SGPP2: variants seen among roughly 807,000 people sequenced by gnomAD.
SGPP2 encodes the protein sphingosine 1-phosphate phosphohydrolase 2.
A neutral mutation model predicts 33.9 loss-of-function variants in SGPP2; 30 were observed. The observed-to-expected ratio is 0.89, with a 90% CI of 0.66 to 1.20. The LOEUF is 1.20. Among genes scored for constraint, SGPP2 ranks in the 50% most tolerant of loss-of-function variants. The pLI is 0.00. For missense variants in SGPP2, 458 were observed against 532.1 expected (o/e 0.86, Z 1.37); for synonymous variants, 233 against 225.0 (o/e 1.04, Z -0.32).
In SGPP2 at chr2:222,478,722, T is replaced by C. The variant is rs1233438283; in HGVS notation, c.378+3996T>C. Among the ~76,000 whole-genome samples the C allele has an allele frequency of 2.0e-5, 3 of 152,184 alleles. No homozygotes were observed. The East Asian group carries it at 5.8e-4, about 29-fold the overall frequency. On this transcript the variant is annotated intron_variant, in intron 2 of 4. Coordinates refer to ENST00000321276, the MANE Select transcript of SGPP2 (RefSeq NM_152386.4). Reference sequence around the variant, plus strand: ...TCACTGGATGAAGCCCCTATATAGGTTTTATTGCTTTTAAAAATCTTGTGT... The same window carrying C: ...TCACTGGATGAAGCCCCTATATAGGCTTTATTGCTTTTAAAAATCTTGTGT...
In SGPP2 at chr2:222,561,974, C is replaced by G. The variant is rs915290853; in HGVS notation, c.*3076C>G. Among the ~76,000 whole-genome samples, 1 of 152,188 alleles carries G rather than the reference C, an allele frequency of 6.6e-6. No homozygotes were observed. Among genetic ancestry groups the G allele is most frequent in the Non-Finnish European group, 1.5e-5 (1 of 68,030 alleles). ...CCTTCAAAGGGTATGGTTCAGGCTC[C>G]TTTCAAGACATTTGGAGTTTCTCTC... On this transcript the variant is annotated 3_prime_UTR_variant, in exon 5 of 5. Transcript: ENST00000321276.
Position 222,558,671 on chromosome 2 carries a change from C to A in SGPP2, c.973C>A (p.Leu325Met), listed in dbSNP as rs763942577. The A allele has an allele frequency of 6.2e-7, 1 of 1,614,210 alleles. No individual in the cohort carries two copies. ...CACCACCTACATGTTAGTTTTGGGT[C>A]TGACCAAATTTGCAGTGGGAATTGT... ...PLTTYMLVLGLTKFAVGIVLI... is the reference protein window; with the variant it reads ...PLTTYMLVLGMTKFAVGIVLI... The change falls in exon 5 of 5, where the codon CTG (leucine) becomes ATG (methionine). Residue 325 changes from leucine (L) to methionine (M), a missense_variant. Coordinates refer to ENST00000321276, the MANE Select transcript of SGPP2 (RefSeq NM_152386.4).
intron 2 of SGPP2, among the ~76,000 whole-genome samples, chr2:222,499,108 G>A (rs573650925): frequency 2.0e-5 from 3 of 152,316 alleles, no homozygotes; most frequent in South Asian, 2.1e-4. Flanking sequence ...CATCAAACAC[G>A]GATTCTGTAA....
chr2:222,448,115 C>G (rs1320013246), intron 1 of SGPP2, among the ~76,000 whole-genome samples: 2 of 152,188 alleles, frequency 1.3e-5, no homozygotes, highest in African/African-American at 4.8e-5. Flanking sequence ...CTTGGGAATA[C>G]GTCATGCAGC....
Position 222,483,964 on chromosome 2 carries a change from G to A in SGPP2, c.378+9238G>A, listed in dbSNP as rs114035889. Among the ~76,000 whole-genome samples the A allele has an allele frequency of 3.3e-3, 509 of 152,290 alleles. 5 individuals are homozygous for A. Among genetic ancestry groups the A allele is most frequent in the African/African-American group, 0.012 (483 of 41,548 alleles). Reference sequence around the variant, plus strand: ...TGCATTGAACGGAATAGAATTAGGCGTCAGAGATTCTGCCTAGTCCCTCTG... The same window carrying A: ...TGCATTGAACGGAATAGAATTAGGCATCAGAGATTCTGCCTAGTCCCTCTG... On this transcript the variant is annotated intron_variant, in intron 2 of 4. Transcript: ENST00000321276.
chr2:222,468,401 T>A (rs1260091633), intron 1 of SGPP2, among the ~76,000 whole-genome samples: 1 of 151,412 alleles, frequency 6.6e-6, no homozygotes, highest in African/African-American at 2.4e-5. Flanking sequence ...AAAAAAAAAT[T>A]GTACATTAAA....
chr2:222,487,038 T>A (rs964811173), intron 2 of SGPP2, among the ~76,000 whole-genome samples: 9 of 152,194 alleles, frequency 5.9e-5, no homozygotes, highest in African/African-American at 1.9e-4. Context: ...CAGCATACAG[T>A]TTATATCGTG....
Position 222,444,822 on chromosome 2 carries a change from G to A in SGPP2, c.219+20001G>A, listed in dbSNP as rs183693519. Among the ~76,000 whole-genome samples the A allele has an allele frequency of 1.5e-3, 229 of 152,234 alleles. 2 individuals are homozygous for A. Among genetic ancestry groups the A allele is most frequent in the Non-Finnish European group, 2.9e-3 (194 of 67,996 alleles). On this transcript the variant is annotated intron_variant, in intron 1 of 4. Transcript: ENST00000321276. ...AAAACAATACATTGCAGCTTTGGGG[G>A]AAAAAATCTTTGGAGTTTTTTTTAT...
rs575308659 is a variant in SGPP2 at position 222,559,056 on chromosome 2, G to C, written c.*158G>C. On this transcript the variant is annotated 3_prime_UTR_variant, in exon 5 of 5. Transcript: ENST00000321276. ...GATAAATGATGCTGCTGTGTGAAAG[G>C]AAGAACTGTCTCATAGCGGTCATTG... 1 of 699,580 alleles carries C rather than the reference G, an allele frequency of 1.4e-6. No homozygotes were observed. Among genetic ancestry groups the C allele is most frequent in the Non-Finnish European group, 2.3e-6 (1 of 429,858 alleles). 43.3% of individuals were successfully genotyped at this position (699,580 alleles called of 1,614,324 possible).
intron 2 of SGPP2, among the ~76,000 whole-genome samples, chr2:222,510,623 A>G (rs909192918): frequency 1.2e-4 from 19 of 152,054 alleles, no homozygotes; most frequent in African/African-American, 4.1e-4. Context: ...GGATCTTTCA[A>G]TTTTTTTTAA....
chr2:222,520,075 C>A (rs1460363281), intron 2 of SGPP2, among the ~76,000 whole-genome samples: 2 of 152,192 alleles, frequency 1.3e-5, no homozygotes, highest in African/African-American at 4.8e-5. Flanking sequence ...ATTTTAAGTT[C>A]TTTGAGAAAT....
At chr2:222,470,283 TAA>T (rs1240308910) in intron 1 of SGPP2, among the ~76,000 whole-genome samples, 1 of 151,892 alleles carries the variant, frequency 6.6e-6, no homozygotes, top group East Asian at 1.9e-4. Flanking sequence ...AAAGTGAAAT[TAA>T]AAAATAAAAT....
At chr2:222,486,588 T>G (rs1199474447) in intron 2 of SGPP2, among the ~76,000 whole-genome samples, 6 of 152,228 alleles carry the variant, frequency 3.9e-5, no homozygotes, top group Admixed American at 3.9e-4. Flanking sequence ...GCAAGGGCCA[T>G]CATTTACAGG....
At chr2:222,514,409 G>T (rs1204042779) in intron 2 of SGPP2, among the ~76,000 whole-genome samples, 2 of 152,114 alleles carry the variant, frequency 1.3e-5, no homozygotes, top group African/African-American at 4.8e-5. Context: ...TGTAGCCTAG[G>T]CTGGTCTCAA....
Position 222,424,759 on chromosome 2 carries a change from G to C in SGPP2, c.157G>C (p.Ala53Pro). The C allele has an allele frequency of 1.4e-6, 2 of 1,408,150 alleles. No homozygotes were observed. Among genetic ancestry groups the C allele is most frequent in the Non-Finnish European group, 1.8e-6 (2 of 1,082,982 alleles). 87.2% of individuals were successfully genotyped at this position (1,408,150 alleles called of 1,614,324 possible). A position where few individuals can be genotyped will look rare whatever the true frequency, so the allele number is the denominator to read the frequency against. ...ARVPGVEHLP[A>P]ANGKGGEAPA... is the part of the protein sequence containing the mutation. ...GGTCCCCGGGGTCGAGCATCTCCCCGCAGCCAACGGCAAGGGCGGCGAGGC... is the reference window on the plus strand; with the variant it reads ...GGTCCCCGGGGTCGAGCATCTCCCCCCAGCCAACGGCAAGGGCGGCGAGGC... Residue 53 changes from alanine to proline, a missense_variant, in exon 1 of 5, where the codon GCA becomes CCA. By Grantham distance (27) the Ala-to-Pro change is conservative. Coordinates refer to ENST00000321276, the MANE Select transcript of SGPP2 (RefSeq NM_152386.4).
At chr2:222,519,558 T>C (rs1178332604) in intron 2 of SGPP2, among the ~76,000 whole-genome samples, 1 of 152,220 alleles carries the variant, frequency 6.6e-6, no homozygotes, top group Non-Finnish European at 1.5e-5. Context: ...CAATTCTTTT[T>C]TAAAAAAATC....
intron 3 of SGPP2, among the ~76,000 whole-genome samples, chr2:222,522,181 G>A (rs553083750): frequency 3.3e-5 from 5 of 152,330 alleles, no homozygotes; most frequent in African/African-American, 1.2e-4. Flanking sequence ...TATTAATAAT[G>A]ACACCAGGAC....
chr2:222,484,304 A>G (rs955170563), intron 2 of SGPP2, among the ~76,000 whole-genome samples: 1 of 152,106 alleles, frequency 6.6e-6, no homozygotes, highest in African/African-American at 2.4e-5. Context: ...CTAAGACTGC[A>G]ATGCTGTTGG....
At chr2:222,498,444 C>T (rs1400337412) in intron 2 of SGPP2, 1 of 152,066 alleles carries the variant, frequency 6.6e-6, no homozygotes, top group Admixed American at 6.6e-5. Context: ...CCAACATGGT[C>T]TCCCGGCCCA....
Sources: allele counts gnomAD v4.1 joint callset (sites outside exome capture counted in the v4.1 genomes callset), GRCh38; gene constraint gnomAD v4.1.1; transcripts MANE v1.5; gene names NCBI Gene and HGNC (gene_info 2026-07-23, HGNC 2026-07-21).